DYM: variants seen among roughly 807,000 people sequenced by gnomAD.
DYM encodes dyggve-Melchior-Clausen syndrome protein.
Under a neutral mutation model 93.1 loss-of-function variants are expected in DYM, and 78 were observed. That is an observed-to-expected ratio of 0.84 (90% CI 0.70 to 1.01). The LOEUF is 1.01. DYM is among the 50% of genes least tolerant of loss of function. DYM has a pLI of 0.00. For missense variants in DYM, 789 were observed against 845.0 expected (o/e 0.93, Z 0.82); for synonymous variants, 321 against 319.7 (o/e 1.00, Z -0.04).
chr18:49,280,062 G>A (rs552086), intron 10 of DYM, among the ~76,000 whole-genome samples: 1 of 151,960 alleles, frequency 6.6e-6, no homozygotes, highest in African/African-American at 2.4e-5. Flanking sequence ...TGGCTATTTC[G>A]GGAATGTTCA....
In DYM at chr18:49,118,882, T is replaced by C; in HGVS notation, c.1773A>G (p.Leu591=). The C allele has an allele frequency of 1.2e-6, 2 of 1,613,698 alleles. No homozygotes were observed. Among genetic ancestry groups the C allele is most frequent in the South Asian group, 2.2e-5 (2 of 91,064 alleles). Residue 591 remains leucine, a synonymous_variant, in exon 16 of 18, where the codon TTA becomes TTG. Coordinates refer to ENST00000675505, the MANE Select transcript of DYM (RefSeq NM_001353214.3). ...TTGTCAGGCAGGAGTTGATGATCTC[T>C]AACATCATTCGAATCACTTCTTCAA... The part of the protein sequence containing the change: ...NVIEEVIRMM[L]EIINSCLTNS...
intron 3 of DYM, among the ~76,000 whole-genome samples, chr18:49,389,537 T>C (rs1797200998): frequency 6.6e-6 from 1 of 152,116 alleles, no homozygotes; most frequent in Non-Finnish European, 1.5e-5. Flanking sequence ...TGCTGTATTG[T>C]CCAGACTGGA....
At chr18:49,221,644 A>C (rs2093362068) in intron 13 of DYM, among the ~76,000 whole-genome samples, 1 of 152,196 alleles carries the variant, frequency 6.6e-6, no homozygotes, top group South Asian at 2.1e-4. Context: ...TTCTCAGTAA[A>C]CTATCACAAG....
chr18:49,430,236 T>C lies in DYM; in HGVS notation c.140+19A>G, dbSNP rs755280838. The C allele has an allele frequency of 2.5e-6, 4 of 1,612,948 alleles. No homozygotes were observed. The highest frequency in any genetic ancestry group is 3.4e-6 in the Non-Finnish European group (4 of 1,179,438). ...TATGGCCCTCTATTCAAATTTTCAA[T>C]CTCCAGGCAATCTCTTACCTGCTAG... On this transcript the variant is annotated intron_variant, in intron 2 of 17. Transcript: ENST00000675505.
At chr18:49,400,246 G>C (rs1025764918) in intron 2 of DYM, among the ~76,000 whole-genome samples, 2 of 152,130 alleles carry the variant, frequency 1.3e-5, no homozygotes, top group South Asian at 2.1e-4. Context: ...CAGACTAAAA[G>C]ACATTTCTTT....
At chr18:49,308,530 G>C (rs903557041) in intron 8 of DYM, among the ~76,000 whole-genome samples, 5 of 152,100 alleles carry the variant, frequency 3.3e-5, no homozygotes, top group Non-Finnish European at 7.4e-5. Flanking sequence ...GTGCACCTTC[G>C]TGAGAATTAT....
At chr18:49,213,291 T>C (rs1244215837) in intron 13 of DYM, among the ~76,000 whole-genome samples, 1 of 151,958 alleles carries the variant, frequency 6.6e-6, no homozygotes, top group African/African-American at 2.4e-5. Flanking sequence ...AGGAACTTTT[T>C]CTAACTTTTT....
chr18:49,271,663 C>T (rs1276936454), intron 11 of DYM, among the ~76,000 whole-genome samples: 1 of 142,454 alleles, frequency 7.0e-6, no homozygotes, highest in African/African-American at 2.5e-5. Flanking sequence ...ATGTGTATTA[C>T]TTTGATGCAA....
rs551826623 is a variant in DYM, at chr18:49,106,854, C to A, written c.1912-9339G>T. Among the ~76,000 whole-genome samples, 152 of 152,252 alleles carry A rather than the reference C, an allele frequency of 1.0e-3. 1 individual carries two copies. Among genetic ancestry groups the A allele is most frequent in the Non-Finnish European group, 8.8e-5 (6 of 68,026 alleles). On this transcript the variant is annotated intron_variant, in intron 16 of 17. Transcript: ENST00000675505. ...GCCCTTAACATTTTTTCCTTCATTG[C>A]AACTTTAGTGAATCTGACAATTACG...
At chr18:49,066,943 G>C (rs1193984640) in intron 17 of DYM, among the ~76,000 whole-genome samples, 1 of 152,164 alleles carries the variant, frequency 6.6e-6, no homozygotes, top group Non-Finnish European at 1.5e-5. Context: ...AGGGTCCCAG[G>C]CTGATTACTG....
At chr18:49,322,117 G>A (rs1056140486) in intron 8 of DYM, among the ~76,000 whole-genome samples, 2 of 152,072 alleles carry the variant, frequency 1.3e-5, no homozygotes, top group South Asian at 4.1e-4. Context: ...AAGTTCTACT[G>A]TATGAATTTC....
chr18:49,434,458 T>C (rs181091700), intron 1 of DYM, among the ~76,000 whole-genome samples: 19 of 152,102 alleles, frequency 1.2e-4, no homozygotes, highest in Non-Finnish European at 1.5e-5. Flanking sequence ...AGGCGGAGGT[T>C]GCAGTGAGCC....
chr18:49,333,250 T>C lies in DYM; in HGVS notation c.620+478A>G, dbSNP rs1401208907. On this transcript the variant is annotated intron_variant, in intron 7 of 17. Coordinates refer to ENST00000675505, the MANE Select transcript of DYM (RefSeq NM_001353214.3). ...AAGAGCATAGCCCCACAGTCTAACA[T>C]GCCTGGCACATGGATAGCACACAGC... 2.6e-5 allele frequency among the ~76,000 whole-genome samples: 4 copies of C among 152,202 alleles called. No homozygotes were observed. The East Asian group carries it at 7.7e-4, about 29-fold the overall frequency.
chr18:49,305,177 A>T (rs2061201586), intron 8 of DYM, among the ~76,000 whole-genome samples: 1 of 152,088 alleles, frequency 6.6e-6, no homozygotes, highest in Non-Finnish European at 1.5e-5. Flanking sequence ...TTTCTTGCTG[A>T]TGCCTTCCCA....
rs1029763151 is a variant in DYM at position 49,243,668 on chromosome 18, AAAAAAAAAAAAAAG to A, written c.1460+13328_1460+13341del. On this transcript the variant is annotated intron_variant, in intron 13 of 17. Coordinates refer to ENST00000675505, the MANE Select transcript of DYM (RefSeq NM_001353214.3). ...GGTGACAAAGCAAGGCTCTGTCTCA[AAAAAAAAAAAAAAG>A]AAAAAAGAAAAAAAAAATCATTGCT... 6.7e-5 allele frequency among the ~76,000 whole-genome samples: 10 copies of A among 148,880 alleles called. No homozygotes were observed. In the South Asian group the frequency reaches 1.5e-3, roughly 22 times the overall value.
chr18:49,426,061 A>T (rs2074253011), intron 2 of DYM, among the ~76,000 whole-genome samples: 1 of 152,150 alleles, frequency 6.6e-6, no homozygotes, highest in African/African-American at 2.4e-5. Context: ...TACCCACAGG[A>T]CCGTAAAGCA....
chr18:49,298,577 G>A (rs1328777966), intron 8 of DYM, among the ~76,000 whole-genome samples: 6 of 93,888 alleles, frequency 6.4e-5, no homozygotes, highest in East Asian at 2.5e-4. Context: ...GCGAAACTCC[G>A]TCTCAAAAAA....
At chr18:49,430,130 G>T in intron 2 of DYM, 125 bp downstream of exon 2, 1 of 954,298 alleles carries the variant, frequency 1.0e-6, no homozygotes, top group Non-Finnish European at 1.7e-6. Flanking sequence ...ATTTTCTACT[G>T]ATCTATGTAT....
intron 10 of DYM, 100 bp from the exon 11 acceptor site, chr18:49,272,403 C>T (rs1199628906): frequency 3.6e-5 from 30 of 840,022 alleles, no homozygotes; most frequent in Non-Finnish European, 1.9e-5. Flanking sequence ...GCTTTAATAT[C>T]AGTTATATTT....
Sources: gnomAD v4.1 joint callset for allele counts (sites outside exome capture counted in the v4.1 genomes callset) on GRCh38, gnomAD v4.1.1 for gene constraint, MANE v1.5 for transcripts, NCBI Gene and HGNC (gene_info 2026-07-23, HGNC 2026-07-21) for gene names.